UNC5D: variants seen among roughly 807,000 people sequenced by gnomAD.
UNC5D encodes the protein netrin receptor UNC5D.
A neutral mutation model predicts 105.4 loss-of-function variants in UNC5D; 39 were observed. That is an observed-to-expected ratio of 0.37 (90% CI 0.29 to 0.48). The LOEUF (loss-of-function observed/expected upper bound fraction) is 0.48, where lower values mean the gene tolerates loss of function less well. Among genes scored for constraint, UNC5D ranks in the 20% least tolerant of loss-of-function variants. UNC5D has a pLI of 0.98. For synonymous variants in UNC5D, 452 were observed against 450.4 expected (o/e 1.00, Z -0.04); for missense variants, 991 against 1,202.4 (o/e 0.82, Z 2.60).
At chr8:35,354,622 G>A (rs1010217754) in intron 1 of UNC5D, among the ~76,000 whole-genome samples, 14 of 152,150 alleles carry the variant, frequency 9.2e-5, no homozygotes, top group African/African-American at 3.4e-4. Flanking sequence ...TACCAGAAAA[G>A]CAGGTTGTTA....
Position 35,402,478 on chromosome 8 carries a change from C to G in UNC5D, c.104-146814C>G, listed in dbSNP as rs1804533940. On this transcript the variant is annotated intron_variant, in intron 1 of 16. Transcript: ENST00000404895. ...GATTGAATTATCTCGCACTGGGTTT[C>G]TCCTGCAACACGTGGGAATTATGGG... Among the ~76,000 whole-genome samples, 11 of 152,206 alleles carry G rather than the reference C, an allele frequency of 7.2e-5. 2 individuals are homozygous for G. The South Asian group carries it at 2.1e-3, about 29-fold the overall frequency.
intron 3 of UNC5D, among the ~76,000 whole-genome samples, chr8:35,571,957 C>T (rs1466702445): frequency 2.0e-5 from 3 of 152,036 alleles, no homozygotes; most frequent in South Asian, 2.1e-4. Context: ...ATGTTTCCTG[C>T]GTTTAAACAA....
At chr8:35,669,118 T>C (rs1824610057) in intron 4 of UNC5D, among the ~76,000 whole-genome samples, 1 of 152,138 alleles carries the variant, frequency 6.6e-6, no homozygotes. Context: ...CTTGAATAAA[T>C]ATGTTCAAAA....
At chr8:35,617,327 G>A (rs375719836) in intron 4 of UNC5D, among the ~76,000 whole-genome samples, 7 of 152,140 alleles carry the variant, frequency 4.6e-5, no homozygotes, top group Non-Finnish European at 4.4e-5. Context: ...AGTTTTCTGC[G>A]TAACTGCTAG....
rs1340512312 is a variant in UNC5D, at chr8:35,687,491, A to G, written c.1084+782A>G. On this transcript the variant is annotated intron_variant, in intron 7 of 16. Transcript: ENST00000404895. ...TATGGGGAAAGGAGAGTGATACCTGAGGAAGTGGGTGGCTTTGTATCACAG... is the reference window on the plus strand; with the variant it reads ...TATGGGGAAAGGAGAGTGATACCTGGGGAAGTGGGTGGCTTTGTATCACAG... 3.3e-5 allele frequency among the ~76,000 whole-genome samples: 5 copies of G among 151,110 alleles called. No homozygotes were observed. In the East Asian group the frequency reaches 9.8e-4, roughly 30 times the overall value.
chr8:35,717,988 T>C (rs1828351175), intron 8 of UNC5D, among the ~76,000 whole-genome samples: 1 of 152,226 alleles, frequency 6.6e-6, no homozygotes, highest in African/African-American at 2.4e-5. Flanking sequence ...TCTCTGCAGA[T>C]GCTCTGTGTC....
At chr8:35,645,773 C>T (rs1348198446) in intron 4 of UNC5D, among the ~76,000 whole-genome samples, 1 of 152,076 alleles carries the variant, frequency 6.6e-6, no homozygotes, top group Non-Finnish European at 1.5e-5. Flanking sequence ...GTATTGTTCT[C>T]TTTCCTGCCA....
intron 3 of UNC5D, among the ~76,000 whole-genome samples, chr8:35,591,796 G>A (rs544785366): frequency 3.3e-5 from 5 of 152,108 alleles, no homozygotes; most frequent in African/African-American, 4.8e-5. Flanking sequence ...TCATAGAACC[G>A]ATGATAGAAC....
intron 1 of UNC5D, among the ~76,000 whole-genome samples, chr8:35,396,694 C>T (rs1172744270): frequency 1.3e-5 from 2 of 151,948 alleles, no homozygotes; most frequent in Non-Finnish European, 2.9e-5. Context: ...GACGGGGTTT[C>T]ACCATGTTGG....
chr8:35,647,584 C>A (rs1823136308), intron 4 of UNC5D, among the ~76,000 whole-genome samples: 1 of 152,118 alleles, frequency 6.6e-6, no homozygotes, highest in South Asian at 2.1e-4. Context: ...CATTAGGTTT[C>A]TATGAATATT....
intron 1 of UNC5D, among the ~76,000 whole-genome samples, chr8:35,396,447 A>G (rs1804106786): frequency 6.6e-6 from 1 of 151,922 alleles, no homozygotes. Flanking sequence ...AGATGATCCC[A>G]GCTAGGGAGG....
chr8:35,652,915 ATTTTTTTT>A (rs34611902), intron 4 of UNC5D, among the ~76,000 whole-genome samples: 3 of 49,158 alleles, frequency 6.1e-5, no homozygotes, highest in African/African-American at 9.3e-5. Flanking sequence ...ACAAGTGAGG[ATTTTTTTT>A]TTTTTTTTTT....
At chr8:35,767,602 C>T (rs1430396095) in intron 15 of UNC5D, among the ~76,000 whole-genome samples, 3 of 152,234 alleles carry the variant, frequency 2.0e-5, no homozygotes, top group Non-Finnish European at 2.9e-5. Context: ...TCATTACTCC[C>T]TTCCAATACA....
intron 1 of UNC5D, among the ~76,000 whole-genome samples, chr8:35,289,993 C>T (rs1806916303): frequency 2.0e-5 from 3 of 151,964 alleles, no homozygotes. Flanking sequence ...TGGGTATCAC[C>T]TCATACCCAT....
chr8:35,464,958 C>A, intron 1 of UNC5D, among the ~76,000 whole-genome samples: 1 of 152,332 alleles, frequency 6.6e-6, no homozygotes, highest in East Asian at 1.9e-4. Flanking sequence ...TTCATGCAAT[C>A]CCCATATGAG....
intron 1 of UNC5D, among the ~76,000 whole-genome samples, chr8:35,490,796 G>A (rs1032324792): frequency 6.6e-6 from 1 of 152,130 alleles, no homozygotes; most frequent in Non-Finnish European, 1.5e-5. Flanking sequence ...GTTTTGAGCT[G>A]TTTGTTATTT....
intron 7 of UNC5D, among the ~76,000 whole-genome samples, chr8:35,702,982 G>A (rs1485902468): frequency 1.3e-5 from 2 of 152,038 alleles, no homozygotes; most frequent in Non-Finnish European, 2.9e-5. Context: ...CATTTACAGT[G>A]GGTGAAGGCA....
chr8:35,785,799 G>A (rs950520725), intron 16 of UNC5D, among the ~76,000 whole-genome samples: 3 of 152,124 alleles, frequency 2.0e-5, no homozygotes, highest in Admixed American at 6.6e-5. Context: ...TTGCAAGATC[G>A]GGTGTCTGGT....
chr8:35,637,906 C>T (rs571336590), intron 4 of UNC5D, among the ~76,000 whole-genome samples: 7 of 152,160 alleles, frequency 4.6e-5, no homozygotes, highest in African/African-American at 1.7e-4. Context: ...CCCCATGTGC[C>T]GGCCAACATA....
Sources: gnomAD v4.1 joint callset for allele counts (sites outside exome capture counted in the v4.1 genomes callset) on GRCh38, gnomAD v4.1.1 for gene constraint, MANE v1.5 for transcripts, NCBI Gene and HGNC (gene_info 2026-07-23, HGNC 2026-07-21) for gene names.